EFR3A: variants seen among roughly 807,000 people sequenced by gnomAD.
EFR3A encodes the protein EFR3 homolog A, also known as protein EFR3 homolog A.
In EFR3A, 76 loss-of-function variants were observed where a neutral mutation model predicts 104.4. That is an observed-to-expected ratio of 0.73 (90% CI 0.60 to 0.88). EFR3A has a LOEUF of 0.88. Among genes scored for constraint, EFR3A ranks in the 40% least tolerant of loss-of-function variants. The probability of loss-of-function intolerance (pLI) is 0.00; values close to 1 mark genes in which losing one functional copy is unlikely to be tolerated. For synonymous variants in EFR3A, 330 were observed against 330.0 expected (o/e 1.00, Z 0.00); for missense variants, 985 against 1,012.5 (o/e 0.97, Z 0.37).
Position 132,010,776 on chromosome 8 carries a change from T to G in EFR3A, c.2361-14T>G. 6.2e-7 allele frequency: 1 copy of G among 1,610,754 alleles called. No individual in the cohort carries two copies. ...AAGTACACCTGCTGACAATGTATTT[T>G]TGTTCTTTTATAGTCCTCCTCCCAG... On this transcript the variant is annotated splice_polypyrimidine_tract_variant and intron_variant, in intron 22 of 22. Transcript: ENST00000254624.
At position 131,959,781 on chromosome 8, in the gene EFR3A, G is replaced by A. The variant is rs977564073; in HGVS notation, c.855+118G>A. ...GATATAAATCATTGCTCTTAATTTA[G>A]CTCTTTTGTCTCATTCATTTTCATT... On this transcript the variant is annotated intron_variant, in intron 8 of 22. Transcript: ENST00000254624. 3 of 589,522 alleles carry A rather than the reference G, an allele frequency of 5.1e-6. No individual in the cohort carries two copies. In the African/African-American group the frequency reaches 5.8e-5, roughly 11 times the overall value. The allele number at this position is 589,522 out of a possible 1,614,324, so 36.5% of individuals were successfully genotyped here. A position where few individuals can be genotyped will look rare whatever the true frequency, so the allele number is the denominator to read the frequency against.
chr8:131,938,513 G>A (rs1818015955), intron 1 of EFR3A, among the ~76,000 whole-genome samples: 1 of 151,958 alleles, frequency 6.6e-6, no homozygotes, highest in Non-Finnish European at 1.5e-5. Flanking sequence ...TTTATAGTGG[G>A]TAGTTTTTTA....
chr8:131,929,795 C>T (rs1257360847), intron 1 of EFR3A, among the ~76,000 whole-genome samples: 2 of 152,096 alleles, frequency 1.3e-5, no homozygotes, highest in African/African-American at 4.8e-5. Flanking sequence ...ACCTGTGTCC[C>T]TCTCTGAGTT....
In EFR3A at chr8:131,920,684, A is replaced by AT. The variant is rs549862328; in HGVS notation, c.10+16376dup. On this transcript the variant is annotated intron_variant, in intron 1 of 22. Coordinates refer to ENST00000254624, the MANE Select transcript of EFR3A (RefSeq NM_015137.6). ...TTAGTCTCCAAAGTAGACAGTTCAG[A>AT]TTTTTTTTTTTTTTCAAAAAGAACT... is the stretch of plus-strand genomic sequence containing the variant. Among the ~76,000 whole-genome samples the AT allele has an allele frequency of 5.1e-3, 725 of 141,490 alleles. 9 individuals are homozygous for AT. The highest frequency in any genetic ancestry group is 7.9e-3 in the South Asian group (35 of 4,430). 92.8% of individuals were successfully genotyped at this position (141,490 alleles called of 152,430 possible).
rs372509434 is a variant in EFR3A, at chr8:132,010,816, T to A, written c.2387T>A (p.Leu796Gln). The change falls in exon 23 of 23, where the codon CTG becomes CAG. Residue 796 changes from leucine (L) to glutamine (Q), a missense_variant. Coordinates refer to ENST00000254624, the MANE Select transcript of EFR3A (RefSeq NM_015137.6). ...CCTCCTCCCAGTCCATCAGGAACAC[T>A]GACCATTACTTCTGGGCATGCCCAA... ...IRPPPSPSGTLTITSGHAQYQ... is the reference protein window; with the variant it reads ...IRPPPSPSGTQTITSGHAQYQ... The A allele has an allele frequency of 1.2e-6, 2 of 1,612,352 alleles. No individual in the cohort carries two copies. The highest frequency in any genetic ancestry group is 2.7e-5 in the African/African-American group (2 of 74,882).
intron 18 of EFR3A, among the ~76,000 whole-genome samples, chr8:131,989,762 A>G (rs1563696274): frequency 6.6e-6 from 1 of 152,194 alleles, no homozygotes; most frequent in Non-Finnish European, 1.5e-5. Flanking sequence ...CTCAAGGAAT[A>G]CAATCTAGTG....
chr8:131,914,617 G>C (rs1203909368), intron 1 of EFR3A, among the ~76,000 whole-genome samples: 1 of 152,082 alleles, frequency 6.6e-6, no homozygotes, highest in Non-Finnish European at 1.5e-5. Flanking sequence ...TATCTGACCA[G>C]CTTCAGCTGG....
chr8:131,937,359 T>TCAGAGAGCTGTTC (rs1476300557), intron 1 of EFR3A, among the ~76,000 whole-genome samples: 1 of 152,154 alleles, frequency 6.6e-6, no homozygotes, highest in Admixed American at 6.5e-5. Context: ...GTTCACTGAC[T>TCAGAGAGCTGTTC]AAGGCTCAGA....
At chr8:131,925,439 G>A (rs1316858634) in intron 1 of EFR3A, among the ~76,000 whole-genome samples, 2 of 151,998 alleles carry the variant, frequency 1.3e-5, no homozygotes, top group Non-Finnish European at 2.9e-5. Flanking sequence ...GCTCTTGCAG[G>A]CAGGTAATGC....
chr8:132,004,258 C>T (rs1361293812), intron 22 of EFR3A, among the ~76,000 whole-genome samples: 4 of 152,184 alleles, frequency 2.6e-5, no homozygotes, highest in African/African-American at 9.7e-5. Context: ...GGTCCCCAAC[C>T]CTCAGTCCAG....
At chr8:131,929,618 G>A (rs1356642175) in intron 1 of EFR3A, among the ~76,000 whole-genome samples, 2 of 152,072 alleles carry the variant, frequency 1.3e-5, no homozygotes, top group East Asian at 3.9e-4. Context: ...AAATGGCCAG[G>A]GATTGTGGCC....
At chr8:131,933,104 A>G (rs886763041) in intron 1 of EFR3A, among the ~76,000 whole-genome samples, 3 of 152,170 alleles carry the variant, frequency 2.0e-5, no homozygotes, top group Non-Finnish European at 4.4e-5. Context: ...TTTTAATTCT[A>G]AGAGTACTAC....
chr8:132,011,942 A>G lies in EFR3A; in HGVS notation c.*1047A>G, dbSNP rs935453584. On this transcript the variant is annotated 3_prime_UTR_variant, in exon 23 of 23. Coordinates refer to ENST00000254624, the MANE Select transcript of EFR3A (RefSeq NM_015137.6). ...AAAGCTGCCTGTGTTTTAACAGTCA[A>G]GTGTGCTAAAGTTTGTCAATTTAAG... 6.6e-6 allele frequency: 1 copy of G among 152,196 alleles called. No individual in the cohort carries two copies. The highest frequency in any genetic ancestry group is 2.4e-5 in the African/African-American group (1 of 41,454). 9.4% of individuals were successfully genotyped at this position (152,196 alleles called of 1,614,324 possible).
At chr8:131,947,294 G>A (rs552077260) in intron 4 of EFR3A, among the ~76,000 whole-genome samples, 11 of 151,894 alleles carry the variant, frequency 7.2e-5, no homozygotes, top group Non-Finnish European at 1.0e-4. Flanking sequence ...GCACGTGCTC[G>A]TTGACTATTG....
chr8:131,992,823 A>G (rs1821261697), intron 18 of EFR3A, among the ~76,000 whole-genome samples: 1 of 152,134 alleles, frequency 6.6e-6, no homozygotes. Context: ...TACTGTTGGT[A>G]AGATCTGATG....
intron 12 of EFR3A, 84 bp downstream of exon 12, chr8:131,977,176 T>G (rs1820366538): frequency 2.0e-6 from 2 of 976,844 alleles, no homozygotes; most frequent in Non-Finnish European, 3.1e-6. Context: ...TTACAACCGT[T>G]CTTTCTTAAG....
chr8:131,924,116 T>C, intron 1 of EFR3A: 1 of 445,578 alleles, frequency 2.2e-6, no homozygotes, highest in Middle Eastern at 3.3e-4. Context: ...TATTAGATTG[T>C]TTCTTGTGAG....
chr8:131,959,620 A>C lies in EFR3A; in HGVS notation c.812A>C (p.Glu271Ala). The C allele has an allele frequency of 6.2e-7, 1 of 1,612,256 alleles. No individual in the cohort carries two copies. The highest frequency in any genetic ancestry group is 8.5e-7 in the Non-Finnish European group (1 of 1,179,312). ...CATCACAAACTGTGGGATCCCAATG[A>C]ATTTGCAGTTCACTGCTTTAAAATT... ...LDHHKLWDPN[E>A]FAVHCFKIIM... Residue 271 changes from glutamate (E) to alanine (A), a missense_variant, in exon 8 of 23, where the codon GAA (glutamate) becomes GCA (alanine). Transcript: ENST00000254624.
In EFR3A at chr8:131,928,912, T is replaced by G. The variant is rs141094182; in HGVS notation, c.11-11587T>G. On this transcript the variant is annotated intron_variant, in intron 1 of 22. Transcript: ENST00000254624. Reference sequence around the variant, plus strand: ...TTTCTAACACAATCCTTTTGTAATTTTCTTTCTGTTTATTCAGAGGTCTTC... The same window carrying G: ...TTTCTAACACAATCCTTTTGTAATTGTCTTTCTGTTTATTCAGAGGTCTTC... 8.6e-3 allele frequency among the ~76,000 whole-genome samples: 1,303 copies of G among 152,220 alleles called. 23 individuals carry two copies. Among genetic ancestry groups the G allele is most frequent in the African/African-American group, 0.03 (1,231 of 41,550 alleles).
Sources: allele counts gnomAD v4.1 joint callset (sites outside exome capture counted in the v4.1 genomes callset), GRCh38; gene constraint gnomAD v4.1.1; transcripts MANE v1.5; gene names NCBI Gene and HGNC (gene_info 2026-07-23, HGNC 2026-07-21).